The following FHOD3 variants were observed in gnomAD, a reference collection of about 807,000 sequenced individuals.
The protein encoded by FHOD3 is FH1/FH2 domain-containing protein 3.
In FHOD3, 90 loss-of-function variants were observed where a neutral mutation model predicts 173.0. The ratio of observed to expected loss-of-function variants is 0.52; its 90% CI spans 0.44 to 0.62. The LOEUF is 0.62. Ranked by LOEUF, FHOD3 falls within the 20% of genes least tolerant of loss-of-function variation. The pLI is 0.00. For synonymous variants in FHOD3, 828 were observed against 823.0 expected (o/e 1.01, Z -0.10); for missense variants, 1,945 against 2,034.7 (o/e 0.96, Z 0.85).
chr18:36,386,639 C>T (rs1443501009), intron 3 of FHOD3, among the ~76,000 whole-genome samples: 4 of 152,100 alleles, frequency 2.6e-5, no homozygotes, highest in African/African-American at 9.7e-5. Flanking sequence ...GCACAAATTG[C>T]CTGGAACAGC....
chr18:36,362,236 T>G (rs550765900), intron 2 of FHOD3, among the ~76,000 whole-genome samples: 1 of 152,046 alleles, frequency 6.6e-6, no homozygotes, highest in Non-Finnish European at 1.5e-5. Context: ...AGTGGCCTAA[T>G]GAACCTAAAC....
intron 10 of FHOD3, among the ~76,000 whole-genome samples, chr18:36,637,954 G>A (rs1422712632): frequency 2.6e-5 from 4 of 152,134 alleles, no homozygotes; most frequent in Non-Finnish European, 5.9e-5. Context: ...TAACGTAGTT[G>A]TCAAATCATT....
intron 14 of FHOD3, among the ~76,000 whole-genome samples, chr18:36,679,643 C>A (rs976142174): frequency 6.6e-6 from 1 of 151,442 alleles, no homozygotes; most frequent in Non-Finnish European, 1.5e-5. Flanking sequence ...TTTTTTCTGA[C>A]CTAAGTTATT....
At chr18:36,639,455 G>A (rs142995879) in intron 10 of FHOD3, among the ~76,000 whole-genome samples, 8 of 152,102 alleles carry the variant, frequency 5.3e-5, no homozygotes, top group Non-Finnish European at 1.2e-4. Flanking sequence ...GGCGGATCAC[G>A]AGGTCAGGAG....
intron 6 of FHOD3, among the ~76,000 whole-genome samples, chr18:36,584,095 T>G (rs2058946639): frequency 6.6e-6 from 1 of 152,212 alleles, no homozygotes; most frequent in Non-Finnish European, 1.5e-5. Context: ...CCCAAAGTGC[T>G]AAGAATACAG....
Position 36,742,829 on chromosome 18 carries a change from C to T in FHOD3, c.3852C>T (p.Ala1284=), listed in dbSNP as rs781720858. 4 of 1,613,772 alleles carry T rather than the reference C, an allele frequency of 2.5e-6. No homozygotes were observed. Among genetic ancestry groups the T allele is most frequent in the East Asian group, 2.2e-5 (1 of 44,866 alleles). Residue 1284 remains alanine (A), a synonymous_variant, in exon 22 of 29, where the codon GCC becomes GCT. Transcript: ENST00000590592. ...GCTTTATCCTGTCTACTCTCTTAGC[C>T]ATTGGGAACTTTCTAAATGGAACTA... ...TLGFILSTLL[A]IGNFLNGTNA...
chr18:36,326,781 G>T lies in FHOD3; in HGVS notation c.166-28758G>T, dbSNP rs564444074. 9.2e-5 allele frequency among the ~76,000 whole-genome samples: 14 copies of T among 152,166 alleles called. No homozygotes were observed. In the South Asian group the frequency reaches 2.7e-3, roughly 29 times the overall value. On this transcript the variant is annotated intron_variant, in intron 1 of 28. Coordinates refer to ENST00000590592, the MANE Select transcript of FHOD3 (RefSeq NM_001281740.3). ...TTTTTAAAATATAAAAAATTTAAAA[G>T]GTCCTTCAAATTGCTATACTTCTTG...
At chr18:36,587,705 T>C (rs1487135940) in intron 6 of FHOD3, among the ~76,000 whole-genome samples, 2 of 152,144 alleles carry the variant, frequency 1.3e-5, no homozygotes, top group African/African-American at 4.8e-5. Flanking sequence ...GCAGGAGAAT[T>C]GCTTGAACCC....
chr18:36,384,570 CAAAAA>C (rs57653216), intron 3 of FHOD3, among the ~76,000 whole-genome samples: 4 of 115,232 alleles, frequency 3.5e-5, no homozygotes, highest in Non-Finnish European at 7.6e-5. Flanking sequence ...AACTGCATCT[CAAAAA>C]AAAAAAAAAA....
chr18:36,554,453 AG>A (rs1299934501), intron 5 of FHOD3, among the ~76,000 whole-genome samples: 3 of 136,112 alleles, frequency 2.2e-5, no homozygotes, highest in Non-Finnish European at 4.6e-5. Context: ...ACATGGACAC[AG>A]GAAGGGGAAC....
intron 3 of FHOD3, among the ~76,000 whole-genome samples, chr18:36,373,667 A>T (rs964813742): frequency 6.6e-6 from 1 of 152,230 alleles, no homozygotes; most frequent in East Asian, 1.9e-4. Flanking sequence ...AGGTGACTCA[A>T]ACTTCAGGGA....
At chr18:36,493,105 A>T (rs1274669355) in intron 3 of FHOD3, among the ~76,000 whole-genome samples, 1 of 151,610 alleles carries the variant, frequency 6.6e-6, no homozygotes, top group East Asian at 1.9e-4. Context: ...CATGATTTTT[A>T]CCCTGCAGTT....
intron 1 of FHOD3, among the ~76,000 whole-genome samples, chr18:36,309,571 C>G (rs184520083): frequency 6.6e-6 from 1 of 152,184 alleles, no homozygotes; most frequent in South Asian, 2.1e-4. Flanking sequence ...GGCTCCTGAC[C>G]GCAGCTTCTG....
chr18:36,750,606 G>A lies in FHOD3; in HGVS notation c.4232+3471G>A, dbSNP rs926470920. 2.0e-5 allele frequency among the ~76,000 whole-genome samples: 3 copies of A among 152,144 alleles called. No individual in the cohort carries two copies. In the South Asian group the frequency reaches 6.2e-4, roughly 32 times the overall value. Reference sequence around the variant, plus strand: ...ATGGTATTGCCTAGGTTGTCTCCCAGGGTTTTTATAGTTTTGGGTTTTACA... The same window carrying A: ...ATGGTATTGCCTAGGTTGTCTCCCAAGGTTTTTATAGTTTTGGGTTTTACA... On this transcript the variant is annotated intron_variant, in intron 24 of 28. Transcript: ENST00000590592.
At chr18:36,764,537 G>A (rs2043057583) in intron 27 of FHOD3, among the ~76,000 whole-genome samples, 1 of 152,146 alleles carries the variant, frequency 6.6e-6, no homozygotes, top group Admixed American at 6.6e-5. Flanking sequence ...TGTCTTGGTG[G>A]ATGCAGGAGG....
chr18:36,480,896 T>TGAGCTTTTCTCTTTCACTGAAG (rs1568329132), intron 3 of FHOD3, among the ~76,000 whole-genome samples: 1 of 151,978 alleles, frequency 6.6e-6, no homozygotes, highest in African/African-American at 2.4e-5. Flanking sequence ...GTTTTTCCCT[T>TGAGCTTTTCTCTTTCACTGAAG]GCCTTGAGCA....
chr18:36,362,760 A>G (rs955215661), intron 2 of FHOD3, among the ~76,000 whole-genome samples: 1 of 152,220 alleles, frequency 6.6e-6, no homozygotes, highest in Non-Finnish European at 1.5e-5. Flanking sequence ...TAAGAGACTC[A>G]GGTTTAGCTG....
intron 1 of FHOD3, among the ~76,000 whole-genome samples, chr18:36,328,017 C>T (rs1343382514): frequency 6.6e-6 from 1 of 152,176 alleles, no homozygotes; most frequent in African/African-American, 2.4e-5. Context: ...TTCCACTTCT[C>T]TGTTAACAGC....
intron 3 of FHOD3, among the ~76,000 whole-genome samples, chr18:36,410,785 G>A (rs763402952): frequency 4.6e-5 from 7 of 151,992 alleles, no homozygotes; most frequent in Non-Finnish European, 1.0e-4. Flanking sequence ...TGTGCCTATT[G>A]GGCATTTGTA....
Sources: allele counts gnomAD v4.1 joint callset (sites outside exome capture counted in the v4.1 genomes callset), GRCh38; gene constraint gnomAD v4.1.1; transcripts MANE v1.5; gene names NCBI Gene and HGNC (gene_info 2026-07-23, HGNC 2026-07-21).